RANBP17: variants seen among roughly 807,000 people sequenced by gnomAD.
RANBP17 encodes the protein ran-binding protein 17.
Under a neutral mutation model 141.2 loss-of-function variants are expected in RANBP17, and 158 were observed. The ratio of observed to expected loss-of-function variants is 1.12; its 90% CI spans 0.98 to 1.28. The LOEUF is 1.28. RANBP17 is among the 50% of genes most tolerant of loss of function. RANBP17 has a pLI of 0.00. For missense variants in RANBP17, 1,438 were observed against 1,290.7 expected (o/e 1.11, Z -1.75); for synonymous variants, 430 against 450.0 (o/e 0.96, Z 0.56).
chr5:171,143,096 G>C (rs1175970743), intron 14 of RANBP17, among the ~76,000 whole-genome samples: 2 of 152,160 alleles, frequency 1.3e-5, no homozygotes, highest in African/African-American at 4.8e-5. Flanking sequence ...GGGATAAACA[G>C]CTCCATGATC....
intron 14 of RANBP17, among the ~76,000 whole-genome samples, chr5:171,075,269 T>G (rs1363926357): frequency 6.6e-6 from 1 of 152,194 alleles, no homozygotes; most frequent in Admixed American, 6.5e-5. Context: ...AGAAATTATT[T>G]TAGATGATTT....
chr5:171,224,686 G>C (rs1045902226), intron 22 of RANBP17, among the ~76,000 whole-genome samples: 3 of 152,168 alleles, frequency 2.0e-5, no homozygotes, highest in African/African-American at 7.2e-5. Context: ...GAAGTGGAGT[G>C]GGGGAAGAGA....
chr5:170,971,960 G>A (rs1281258112), intron 14 of RANBP17, among the ~76,000 whole-genome samples: 1 of 151,952 alleles, frequency 6.6e-6, no homozygotes, highest in Non-Finnish European at 1.5e-5. Context: ...TTAATGCTTT[G>A]CTATATTTGC....
chr5:170,971,925 GC>G (rs763443635), intron 14 of RANBP17, among the ~76,000 whole-genome samples: 7 of 152,036 alleles, frequency 4.6e-5, no homozygotes, highest in South Asian at 2.1e-4. Flanking sequence ...ACACTCATAT[GC>G]CCATCATTCA....
rs539411925 is a variant in RANBP17, at chr5:170,924,346, T to C, written c.1275-11T>C. 1.3e-6 allele frequency: 2 copies of C among 1,531,590 alleles called. No homozygotes were observed. The highest frequency in any genetic ancestry group is 1.3e-5 in the South Asian group (1 of 79,490). 94.9% of individuals were successfully genotyped at this position (1,531,590 alleles called of 1,614,324 possible). ...TCTAATGTTGTCTGCAAACTTATTC[T>C]GTGTTTGCAGAGATCACTTAGATGA... On this transcript the variant is annotated splice_polypyrimidine_tract_variant and intron_variant, in intron 11 of 27. Coordinates refer to ENST00000523189, the MANE Select transcript of RANBP17 (RefSeq NM_022897.5).
intron 14 of RANBP17, among the ~76,000 whole-genome samples, chr5:170,980,095 C>T (rs10066517): frequency 0.57 from 86,839 of 151,942 alleles, 27,074 homozygotes; most frequent in South Asian, 0.81. Flanking sequence ...ACAAAACTGG[C>T]GGAATTTTGA....
At chr5:171,093,199 G>A (rs1456603019) in intron 14 of RANBP17, among the ~76,000 whole-genome samples, 14 of 134,212 alleles carry the variant, frequency 1.0e-4, no homozygotes, top group African/African-American at 3.9e-4. Flanking sequence ...AATAGCAGTG[G>A]AACTCAGTCT....
At chr5:171,184,111 G>A (rs1761061500) in intron 18 of RANBP17, among the ~76,000 whole-genome samples, 1 of 152,148 alleles carries the variant, frequency 6.6e-6, no homozygotes, top group South Asian at 2.1e-4. Context: ...GTACAATCCA[G>A]CAATCCTACT....
chr5:170,863,306 G>C (rs993089271), intron 1 of RANBP17, among the ~76,000 whole-genome samples: 3 of 152,216 alleles, frequency 2.0e-5, no homozygotes, highest in Non-Finnish European at 4.4e-5. Flanking sequence ...GATGACCCCA[G>C]GGAGGGAAGG....
At chr5:171,046,319 C>T (rs1782585055) in intron 14 of RANBP17, among the ~76,000 whole-genome samples, 2 of 151,556 alleles carry the variant, frequency 1.3e-5, no homozygotes, top group Admixed American at 1.3e-4. Context: ...AGCGATTCTC[C>T]TGCCTCAGCC....
intron 16 of RANBP17, among the ~76,000 whole-genome samples, chr5:171,172,179 G>A (rs1270036686): frequency 2.6e-5 from 4 of 151,758 alleles, no homozygotes; most frequent in Admixed American, 1.3e-4. Flanking sequence ...TGTATTCCTT[G>A]GTAAACCATA....
intron 14 of RANBP17, among the ~76,000 whole-genome samples, chr5:170,980,553 C>T (rs958058940): frequency 2.6e-5 from 4 of 152,146 alleles, no homozygotes; most frequent in African/African-American, 7.2e-5. Flanking sequence ...CTGAAAGGGG[C>T]CAATGTAGAG....
intron 14 of RANBP17, among the ~76,000 whole-genome samples, chr5:170,987,388 T>C (rs1778211423): frequency 6.6e-6 from 1 of 151,660 alleles, no homozygotes; most frequent in Non-Finnish European, 1.5e-5. Context: ...TTTGACCTAG[T>C]TAGGTTTTCC....
At chr5:171,083,300 A>G (rs1182826576) in intron 14 of RANBP17, among the ~76,000 whole-genome samples, 2 of 152,188 alleles carry the variant, frequency 1.3e-5, no homozygotes, top group African/African-American at 2.4e-5. Flanking sequence ...AAGTGCCCTT[A>G]TAAAAAGATG....
chr5:170,974,567 C>T (rs764786335), intron 14 of RANBP17, among the ~76,000 whole-genome samples: 13 of 152,084 alleles, frequency 8.5e-5, no homozygotes, highest in Non-Finnish European at 1.9e-4. Flanking sequence ...AATGACTCTG[C>T]CCCCATGACT....
chr5:171,186,697 C>T (rs937390430), intron 18 of RANBP17, among the ~76,000 whole-genome samples: 10 of 150,098 alleles, frequency 6.7e-5, no homozygotes, highest in Non-Finnish European at 1.0e-4. Flanking sequence ...CCACTACGCC[C>T]GGCTAATTTT....
At chr5:171,224,133 A>G (rs1763748415) in intron 22 of RANBP17, among the ~76,000 whole-genome samples, 2 of 152,200 alleles carry the variant, frequency 1.3e-5, no homozygotes, top group Non-Finnish European at 2.9e-5. Context: ...CAGGGGTTCA[A>G]CAACCCACAT....
chr5:171,255,363 T>C (rs1765816097), intron 24 of RANBP17, among the ~76,000 whole-genome samples: 1 of 152,232 alleles, frequency 6.6e-6, no homozygotes, highest in African/African-American at 2.4e-5. Flanking sequence ...TTAAGAAAGA[T>C]AGATGAAGTC....
intron 5 of RANBP17, among the ~76,000 whole-genome samples, chr5:170,906,072 T>C (rs1771056279): frequency 6.6e-6 from 1 of 152,062 alleles, no homozygotes; most frequent in African/African-American, 2.4e-5. Flanking sequence ...CCAGGGAATT[T>C]AGTGTATTTC....
Sources: gnomAD v4.1 joint callset for allele counts (sites outside exome capture counted in the v4.1 genomes callset) on GRCh38, gnomAD v4.1.1 for gene constraint, MANE v1.5 for transcripts, NCBI Gene and HGNC (gene_info 2026-07-23, HGNC 2026-07-21) for gene names.